Variants in CALN1 observed in about 807,000 individuals in gnomAD.
CALN1 encodes calcium-binding protein 8.
CALN1 carries 17 observed loss-of-function variants against 30.6 expected under a neutral mutation model. The ratio of observed to expected loss-of-function variants is 0.56; its 90% CI spans 0.38 to 0.83. CALN1 has a LOEUF of 0.83. CALN1 is among the 40% of genes least tolerant of loss of function. The pLI, the probability that CALN1 is intolerant of heterozygous loss-of-function variation, is 0.00. For synonymous variants in CALN1, 156 were observed against 131.4 expected, an observed-to-expected ratio of 1.19 and a Z score of -1.28; for missense variants, 291 against 354.9, an observed-to-expected ratio of 0.82 and a Z score of 1.45.
intron 4 of CALN1, among the ~76,000 whole-genome samples, chr7:72,077,880 T>C (rs974524079): frequency 2.0e-5 from 3 of 152,192 alleles, no homozygotes; most frequent in Non-Finnish European, 4.4e-5. Context: ...ACCTGATAAT[T>C]GTCACTTACA....
At chr7:72,027,835 A>C (rs1249564527) in intron 4 of CALN1, among the ~76,000 whole-genome samples, 2 of 151,522 alleles carry the variant, frequency 1.3e-5, no homozygotes, top group Non-Finnish European at 2.9e-5. Context: ...AGGTGGGCGG[A>C]TCACGAGGTC....
At chr7:72,278,347 T>C (rs989403732) in intron 3 of CALN1, among the ~76,000 whole-genome samples, 10 of 152,014 alleles carry the variant, frequency 6.6e-5, no homozygotes, top group African/African-American at 2.4e-4. Flanking sequence ...AACAAGACAA[T>C]TCCATTGGTG....
chr7:72,218,260 A>G (rs191699231), intron 3 of CALN1, among the ~76,000 whole-genome samples: 1,630 of 151,804 alleles, frequency 0.011, 28 homozygotes, highest in African/African-American at 0.037. Flanking sequence ...CATCCTGGCT[A>G]ACATGGTGAA....
chr7:71,993,107 A>C (rs1584699185), intron 5 of CALN1, among the ~76,000 whole-genome samples: 2 of 152,070 alleles, frequency 1.3e-5, no homozygotes, highest in South Asian at 4.2e-4. Context: ...AGGCTGTAGC[A>C]GCCCTTTTGT....
At chr7:71,795,086 G>A (rs555225921) in intron 6 of CALN1, among the ~76,000 whole-genome samples, 2 of 151,926 alleles carry the variant, frequency 1.3e-5, no homozygotes, top group East Asian at 1.9e-4. Flanking sequence ...GCAGTGGCAC[G>A]ATATTGGCTC....
At chr7:72,468,973 A>C in the CALN1 span, among the ~76,000 whole-genome samples, 1 of 152,202 alleles carries the variant, frequency 6.6e-6, no homozygotes, top group Non-Finnish European at 1.5e-5. Flanking sequence ...TATCAGATAT[A>C]TGATTTGCAA....
chr7:72,219,044 C>G (rs377192810), intron 3 of CALN1, among the ~76,000 whole-genome samples: 13 of 152,182 alleles, frequency 8.5e-5, no homozygotes, highest in African/African-American at 3.1e-4. Context: ...TGAATTACCC[C>G]ACTCTTGACT....
chr7:72,149,615 C>T (rs1385140303), intron 3 of CALN1, among the ~76,000 whole-genome samples: 1 of 152,166 alleles, frequency 6.6e-6, no homozygotes, highest in Non-Finnish European at 1.5e-5. Context: ...CACCGTTCCC[C>T]ACACTTTAGA....
At chr7:72,040,666 G>A (rs556384047) in intron 4 of CALN1, among the ~76,000 whole-genome samples, 3 of 152,254 alleles carry the variant, frequency 2.0e-5, no homozygotes, top group African/African-American at 7.2e-5. Flanking sequence ...ATGCACACAT[G>A]CGCAGAGAAA....
intron 5 of CALN1, among the ~76,000 whole-genome samples, chr7:71,869,429 C>A (rs1371786949): frequency 6.6e-6 from 1 of 152,148 alleles, no homozygotes; most frequent in Non-Finnish European, 1.5e-5. Flanking sequence ...CCAGGCTGGT[C>A]TCGAACTCCT....
intron 2 of CALN1, among the ~76,000 whole-genome samples, chr7:72,297,064 A>C (rs1798914639): frequency 6.6e-6 from 1 of 151,978 alleles, no homozygotes; most frequent in African/African-American, 2.4e-5. Flanking sequence ...GTGGGCATTT[A>C]GTGCTATAAA....
At position 71,966,311 on chromosome 7, in the gene CALN1, TAGGTCA is replaced by T. The variant is rs1797527413; in HGVS notation, c.501+57340_501+57345del. On this transcript the variant is annotated intron_variant, in intron 5 of 6. Transcript: ENST00000395275. ...AACCTTGGTCTGTGGAATCCTGCCC[TAGGTCA>T]ATGTTTGATATGGTTTGGATCTGTG... Among the ~76,000 whole-genome samples, 3 of 152,314 alleles carry T rather than the reference TAGGTCA, an allele frequency of 2.0e-5. No homozygotes were observed. In the South Asian group the frequency reaches 6.2e-4, roughly 32 times the overall value.
intron 5 of CALN1, among the ~76,000 whole-genome samples, chr7:71,872,126 T>C (rs1344548310): frequency 1.3e-5 from 2 of 152,212 alleles, no homozygotes; most frequent in Non-Finnish European, 2.9e-5. Flanking sequence ...AGTAGGTCTA[T>C]CATTGATTTA....
At chr7:72,367,504 G>C (rs1803946590) in intron 2 of CALN1, among the ~76,000 whole-genome samples, 1 of 151,940 alleles carries the variant, frequency 6.6e-6, no homozygotes, top group Non-Finnish European at 1.5e-5. Flanking sequence ...GCATGCCTGT[G>C]ATCCCAGCTA....
chr7:71,801,420 GTATGTATGTATCTATC>G (rs1210225255), intron 6 of CALN1, among the ~76,000 whole-genome samples: 27 of 102,504 alleles, frequency 2.6e-4, no homozygotes, highest in African/African-American at 4.9e-4. Flanking sequence ...ATGTATGTAT[GTATGTATGTATCTATC>G]TATCTATCTA....
chr7:72,400,554 T>A (rs1806272144), intron 2 of CALN1, among the ~76,000 whole-genome samples: 1 of 152,154 alleles, frequency 6.6e-6, no homozygotes, highest in African/African-American at 2.4e-5. Flanking sequence ...GAGCAGAGGC[T>A]ACATTACATG....
intron 4 of CALN1, among the ~76,000 whole-genome samples, chr7:72,062,741 G>A (rs1803753415): frequency 2.6e-5 from 4 of 152,006 alleles, no homozygotes. Flanking sequence ...CAAAGGAAAT[G>A]GATTGATTCT....
chr7:71,919,782 A>G (rs1489973077), intron 5 of CALN1, among the ~76,000 whole-genome samples: 4 of 152,200 alleles, frequency 2.6e-5, no homozygotes, highest in African/African-American at 7.2e-5. Context: ...AAACCCTACA[A>G]TGATGCTACA....
chr7:71,967,609 G>A (rs1410974703), intron 5 of CALN1, among the ~76,000 whole-genome samples: 1 of 139,216 alleles, frequency 7.2e-6, no homozygotes, highest in African/African-American at 2.7e-5. Context: ...CTGGGCGACA[G>A]AGTGAGACCC....
Sources: allele counts gnomAD v4.1 joint callset (sites outside exome capture counted in the v4.1 genomes callset), GRCh38; gene constraint gnomAD v4.1.1; transcripts MANE v1.5; gene names NCBI Gene and HGNC (gene_info 2026-07-23, HGNC 2026-07-21).